Variants in ATP6V0A2 observed in about 807,000 individuals in gnomAD.
ATP6V0A2 encodes V-type proton ATPase 116 kDa subunit a 2.
A neutral mutation model predicts 104.4 loss-of-function variants in ATP6V0A2; 58 were observed. The observed-to-expected ratio is 0.56, with a 90% CI of 0.45 to 0.69. ATP6V0A2 has a LOEUF of 0.69. Among genes scored for constraint, ATP6V0A2 ranks in the 30% least tolerant of loss-of-function variants. The pLI is 0.00. For missense variants in ATP6V0A2, 938 were observed against 1,062.9 expected, an observed-to-expected ratio of 0.88 and a Z score of 1.63; for synonymous variants, 376 against 397.9, an observed-to-expected ratio of 0.95 and a Z score of 0.65.
rs373419502 is a variant in ATP6V0A2, at chr12:123,735,567, C to T, written c.768C>T (p.Ala256=). The change falls in exon 8 of 20, where the codon GCC becomes GCT. Residue 256 remains alanine, a synonymous_variant. Transcript: ENST00000330342. The part of the protein sequence containing the change: ...HCHVYPYPNT[A]EERREIQEGL... ...ACGTGTACCCCTATCCAAACACAGC[C>T]GAGGAGCGGAGGGAGATCCAGGAGG... The T allele has an allele frequency of 2.4e-5, 39 of 1,613,926 alleles. No homozygotes were observed. Among genetic ancestry groups the T allele is most frequent in the Middle Eastern group, 1.6e-4 (1 of 6,070 alleles).
At chr12:123,749,766 G>C (rs1046489322) in intron 15 of ATP6V0A2, among the ~76,000 whole-genome samples, 4 of 152,202 alleles carry the variant, frequency 2.6e-5, no homozygotes, top group Admixed American at 2.6e-4. Flanking sequence ...ACGTTGTAAA[G>C]TGTCTGTGAG....
chr12:123,756,098 A>T (rs12827680), intron 18 of ATP6V0A2, among the ~76,000 whole-genome samples: 1 of 144,330 alleles, frequency 6.9e-6, no homozygotes, highest in Non-Finnish European at 1.5e-5. Flanking sequence ...AAAAAAAAAA[A>T]ACCGAAAAAC....
At chr12:123,733,206 G>T (rs761423250) in intron 6 of ATP6V0A2, 1 of 152,090 alleles carries the variant, frequency 6.6e-6, no homozygotes, top group Non-Finnish European at 1.5e-5. Flanking sequence ...CCAACTACTC[G>T]GGAGGCGGAG....
intron 18 of ATP6V0A2, 95 bp from the exon 19 acceptor site, chr12:123,756,720 C>T: frequency 1.5e-6 from 2 of 1,320,772 alleles, no homozygotes; most frequent in Non-Finnish European, 2.2e-6. Context: ...GATAATAGTT[C>T]AGGGCCGTCA....
Position 123,718,601 on chromosome 12 carries a change from A to G in ATP6V0A2, c.118-22A>G, listed in dbSNP as rs1956367069. 4.4e-6 allele frequency: 7 copies of G among 1,580,534 alleles called. No homozygotes were observed. In the East Asian group the frequency reaches 6.7e-5, roughly 15 times the overall value. On this transcript the variant is annotated intron_variant, in intron 1 of 19. Coordinates refer to ENST00000330342, the MANE Select transcript of ATP6V0A2 (RefSeq NM_012463.4). Reference sequence around the variant, plus strand: ...TTTTTAAATTTTAGAAATTTAAACCATATTTTTCATCCTTTTCTCAGCTCA... The same window carrying G: ...TTTTTAAATTTTAGAAATTTAAACCGTATTTTTCATCCTTTTCTCAGCTCA...
Position 123,726,138 on chromosome 12 carries a change from A to G in ATP6V0A2, c.433-59A>G, listed in dbSNP as rs1956446508. On this transcript the variant is annotated intron_variant, in intron 4 of 19. Transcript: ENST00000330342. Reference sequence around the variant, plus strand: ...CTATAAACTTGTTTGAAAATTTGACATGAGAAATAAAGTGTCACTTTTAAT... The same window carrying G: ...CTATAAACTTGTTTGAAAATTTGACGTGAGAAATAAAGTGTCACTTTTAAT... The G allele has an allele frequency of 1.3e-5, 17 of 1,358,312 alleles. No homozygotes were observed. In the South Asian group the frequency reaches 1.3e-4, roughly 10 times the overall value. 84.1% of individuals were successfully genotyped at this position (1,358,312 alleles called of 1,614,324 possible).
chr12:123,748,806 C>T (rs771837097), intron 15 of ATP6V0A2, 21 bp downstream of exon 15: 3 of 1,593,458 alleles, frequency 1.9e-6, no homozygotes, highest in African/African-American at 1.3e-5. Flanking sequence ...TTCCCACCCT[C>T]ATGAACTTAA....
At chr12:123,714,909 G>A (rs1289829188) in intron 1 of ATP6V0A2, among the ~76,000 whole-genome samples, 11 of 152,108 alleles carry the variant, frequency 7.2e-5, no homozygotes, top group African/African-American at 2.7e-4. Context: ...GTGAAACCCT[G>A]TCTCTACTAA....
rs752361667 is a variant in ATP6V0A2, at chr12:123,737,235, T to C, written c.1002T>C (p.Asp334=). The C allele has an allele frequency of 6.2e-7, 1 of 1,614,076 alleles. No individual in the cohort carries two copies. The highest frequency in any genetic ancestry group is 8.5e-7 in the Non-Finnish European group (1 of 1,179,992). Residue 334 remains aspartate (D), a synonymous_variant, in exon 9 of 20, where the codon GAT becomes GAC. Transcript: ENST00000330342. ...LIAEVWCPEA[D]LQDLRRALEE... ...CTGAGGTCTGGTGTCCCGAGGCGGA[T>C]CTGCAGGACCTGCGCCGGGCACTGG...
chr12:123,736,933 G>C (rs755843754), intron 8 of ATP6V0A2, 126 bp from the exon 9 acceptor site: 2 of 940,370 alleles, frequency 2.1e-6, no homozygotes, highest in African/African-American at 1.6e-5. Flanking sequence ...CTGCCACCAG[G>C]ATAGGCAGGT....
intron 2 of ATP6V0A2, among the ~76,000 whole-genome samples, chr12:123,722,141 G>A (rs1266430651): frequency 1.3e-5 from 2 of 152,052 alleles, no homozygotes; most frequent in Non-Finnish European, 2.9e-5. Context: ...TGTTTATTTT[G>A]TCACTGCATG....
At chr12:123,745,009 T>C in intron 13 of ATP6V0A2, 37 bp downstream of exon 13, 1 of 1,593,392 alleles carries the variant, frequency 6.3e-7, no homozygotes. Flanking sequence ...CTCTGGATGC[T>C]CTGTGGTGCC....
In ATP6V0A2 at chr12:123,760,039, G is replaced by C. The variant is rs1956794931; in HGVS notation, c.*2007G>C. 6.6e-6 allele frequency: 1 copy of C among 152,178 alleles called. No individual in the cohort carries two copies. The highest frequency in any genetic ancestry group is 2.4e-5 in the African/African-American group (1 of 41,440). 9.4% of individuals were successfully genotyped at this position (152,178 alleles called of 1,614,324 possible). A position where few individuals can be genotyped will look rare whatever the true frequency, so the allele number is the denominator to read the frequency against. ...CCTAGAGCTGATGCTTCCACAAGGG[G>C]ACATTTGTGTTACTTTGCTCCAGGG... On this transcript the variant is annotated 3_prime_UTR_variant, in exon 20 of 20. Coordinates refer to ENST00000330342, the MANE Select transcript of ATP6V0A2 (RefSeq NM_012463.4).
intron 6 of ATP6V0A2, among the ~76,000 whole-genome samples, chr12:123,728,345 T>G (rs1323822122): frequency 6.6e-6 from 1 of 151,038 alleles, no homozygotes; most frequent in African/African-American, 2.4e-5. Flanking sequence ...CGTAGGCCTC[T>G]CAAAGCCTCC....
At chr12:123,718,317 C>G (rs1042970343) in intron 1 of ATP6V0A2, among the ~76,000 whole-genome samples, 6 of 151,810 alleles carry the variant, frequency 4.0e-5, no homozygotes, top group African/African-American at 1.5e-4. Context: ...CTTGAACTCC[C>G]GACCTCAAGT....
intron 5 of ATP6V0A2, 53 bp downstream of exon 5, chr12:123,726,338 G>A: frequency 7.8e-7 from 1 of 1,277,154 alleles, no homozygotes; most frequent in Middle Eastern, 1.8e-4. Flanking sequence ...CTTGTAAAAG[G>A]CAGATGAGCT....
At chr12:123,720,146 C>T (rs1246206700) in intron 2 of ATP6V0A2, among the ~76,000 whole-genome samples, 1 of 152,146 alleles carries the variant, frequency 6.6e-6, no homozygotes, top group Admixed American at 6.5e-5. Context: ...AGCCACCACA[C>T]CCGGCCTATT....
Position 123,754,295 on chromosome 12 carries a change from C to T in ATP6V0A2, c.2176-125C>T, listed in dbSNP as rs535852236. The T allele has an allele frequency of 5.3e-5, 41 of 772,432 alleles. 1 individual carries two copies. Among genetic ancestry groups the T allele is most frequent in the South Asian group, 4.7e-4 (33 of 69,564 alleles). The allele number at this position is 772,432 out of a possible 1,614,324, so 47.8% of individuals were successfully genotyped here. ...GGGGTTTCTGTTCCTCACACTCTAG[C>T]GTGTTCTTACCAGCATCCAGCCGGC... On this transcript the variant is annotated intron_variant, in intron 17 of 19. Transcript: ENST00000330342.
Position 123,743,925 on chromosome 12 carries a change from A to T in ATP6V0A2, c.1179A>T (p.Glu393Asp), listed in dbSNP as rs1207696709. The change falls in exon 10 of 20, where the codon GAA (glutamate) becomes GAT (aspartate). Residue 393 changes from glutamate to aspartate, a missense_variant. Glu to Asp is a conservative substitution (Grantham distance 45, BLOSUM62 2). Coordinates refer to ENST00000330342, the MANE Select transcript of ATP6V0A2 (RefSeq NM_012463.4). ...CTTATGGAGTCGGAAGCTACAGAGA[A>T]GTCAATCCAGGTTGGAAGTCTGATT... Reference protein sequence around the residue: ...VDAYGVGSYREVNPALFTIIT... With the variant: ...VDAYGVGSYRDVNPALFTIIT... The T allele has an allele frequency of 1.2e-6, 2 of 1,614,100 alleles. No homozygotes were observed. Among genetic ancestry groups the T allele is most frequent in the African/African-American group, 2.7e-5 (2 of 74,928 alleles).
Sources: gnomAD v4.1 joint callset for allele counts (sites outside exome capture counted in the v4.1 genomes callset) on GRCh38, gnomAD v4.1.1 for gene constraint, MANE v1.5 for transcripts, NCBI Gene and HGNC (gene_info 2026-07-23, HGNC 2026-07-21) for gene names.